Variants in WWC1 observed in about 807,000 individuals in gnomAD.
WWC1 encodes the protein protein KIBRA.
A neutral mutation model predicts 138.4 loss-of-function variants in WWC1; 55 were observed. That is an observed-to-expected ratio of 0.40 (90% CI 0.32 to 0.50). The LOEUF is 0.50. WWC1 is among the 20% of genes least tolerant of loss of function. WWC1 has a pLI of 0.72. For synonymous variants in WWC1, 524 were observed against 564.9 expected, an observed-to-expected ratio of 0.93 and a Z score of 1.03; for missense variants, 1,226 against 1,420.4, an observed-to-expected ratio of 0.86 and a Z score of 2.20.
At chr5:168,323,512 A>G (rs1323945895) in intron 1 of WWC1, among the ~76,000 whole-genome samples, 1 of 152,166 alleles carries the variant, frequency 6.6e-6, no homozygotes, top group African/African-American at 2.4e-5. Context: ...ATGCCACTGT[A>G]TTCCAGCCTG....
At chr5:168,305,226 C>T (rs996541064) in intron 1 of WWC1, among the ~76,000 whole-genome samples, 3 of 151,876 alleles carry the variant, frequency 2.0e-5, no homozygotes, top group Admixed American at 1.3e-4. Flanking sequence ...CCTTGGCCTC[C>T]CAAAGTGTTG....
intron 17 of WWC1, among the ~76,000 whole-genome samples, chr5:168,452,181 C>T (rs971667651): frequency 6.6e-6 from 1 of 152,152 alleles, no homozygotes; most frequent in African/African-American, 2.4e-5. Flanking sequence ...GCTGGGATTA[C>T]AGGCGTGAGC....
At chr5:168,389,500 G>T (rs565086758) in intron 3 of WWC1, among the ~76,000 whole-genome samples, 34 of 150,670 alleles carry the variant, frequency 2.3e-4, no homozygotes, top group Non-Finnish European at 4.3e-4. Flanking sequence ...GTGGGAGGTG[G>T]CAGCTGGACT....
chr5:168,313,750 G>A (rs1041075301), intron 1 of WWC1, among the ~76,000 whole-genome samples: 1 of 151,868 alleles, frequency 6.6e-6, no homozygotes, highest in Admixed American at 6.6e-5. Context: ...TTTCTTTTGT[G>A]GCTGCCTGTG....
intron 1 of WWC1, among the ~76,000 whole-genome samples, chr5:168,356,442 A>G (rs1775427084): frequency 6.6e-6 from 1 of 152,242 alleles, no homozygotes; most frequent in Admixed American, 6.5e-5. Context: ...GTCCATAGGA[A>G]AAAAGGTGTC....
At chr5:168,327,342 T>C (rs947581007) in intron 1 of WWC1, among the ~76,000 whole-genome samples, 1 of 152,252 alleles carries the variant, frequency 6.6e-6, no homozygotes, top group African/African-American at 2.4e-5. Flanking sequence ...CTGACATGTA[T>C]GTCTCATGCT....
intron 1 of WWC1, among the ~76,000 whole-genome samples, chr5:168,305,155 A>T (rs1167546753): frequency 1.4e-5 from 2 of 140,658 alleles, no homozygotes; most frequent in African/African-American, 5.3e-5. Flanking sequence ...TTTAGTAGAG[A>T]TGGAGTTTTG....
rs1208607289 is a variant in WWC1 at position 168,471,929 on chromosome 5, A to T, written c.*2912A>T. The stretch of plus-strand genomic sequence containing the variant: ...TCTGCAGTCCATTTGGACTCAATAA[A>T]AACTTTGAAAGTCACATGTGTTATG... On this transcript the variant is annotated 3_prime_UTR_variant, in exon 23 of 23. Transcript: ENST00000265293. The T allele has an allele frequency of 6.6e-6, 1 of 152,240 alleles. No homozygotes were observed. Among genetic ancestry groups the T allele is most frequent in the African/African-American group, 2.4e-5 (1 of 41,472 alleles). The allele number at this position is 152,240 out of a possible 1,614,324, so 9.4% of individuals were successfully genotyped here. A position where few individuals can be genotyped will look rare whatever the true frequency, so the allele number is the denominator to read the frequency against.
intron 1 of WWC1, among the ~76,000 whole-genome samples, chr5:168,324,916 G>A (rs1772407647): frequency 6.6e-6 from 1 of 152,196 alleles, no homozygotes; most frequent in Admixed American, 6.5e-5. Flanking sequence ...CAATAATAGG[G>A]TGATTCATCA....
chr5:168,342,490 T>C (rs1053591563), intron 1 of WWC1, among the ~76,000 whole-genome samples: 1 of 152,188 alleles, frequency 6.6e-6, no homozygotes, highest in African/African-American at 2.4e-5. Context: ...TATAGAAGTT[T>C]GAAGCAGTAA....
rs536250745 is a variant in WWC1, at chr5:168,297,576, A to G, written c.119+5305A>G. On this transcript the variant is annotated intron_variant, in intron 1 of 22. Coordinates refer to ENST00000265293, the MANE Select transcript of WWC1 (RefSeq NM_015238.3). ...GGGAGGTGGAGGTTGTGGTGAGCCA[A>G]GATCGCGCCATTGCACTCCATCCTG... 3.0e-3 allele frequency among the ~76,000 whole-genome samples: 457 copies of G among 151,300 alleles called. 2 individuals are homozygous for G. Among genetic ancestry groups the G allele is most frequent in the African/African-American group, 0.011 (441 of 41,196 alleles).
chr5:168,410,853 A>G (rs946144258), intron 8 of WWC1, among the ~76,000 whole-genome samples: 10 of 152,152 alleles, frequency 6.6e-5, no homozygotes, highest in African/African-American at 1.7e-4. Context: ...GGTAAGACCA[A>G]GATATTTCAT....
At position 168,358,499 on chromosome 5, in the gene WWC1, G is replaced by T. The variant is rs74599406; in HGVS notation, c.120-12925G>T. ...GGGATGGGAAAACAGCAGCCCAGGG[G>T]CTGGGAAGGTGCCCACAGCCACTCA... On this transcript the variant is annotated intron_variant, in intron 1 of 22. Coordinates refer to ENST00000265293, the MANE Select transcript of WWC1 (RefSeq NM_015238.3). 6.4e-3 allele frequency among the ~76,000 whole-genome samples: 968 copies of T among 152,278 alleles called. 14 individuals are homozygous for T. Among genetic ancestry groups the T allele is most frequent in the African/African-American group, 0.022 (910 of 41,556 alleles).
At chr5:168,302,622 A>G (rs1770193467) in intron 1 of WWC1, among the ~76,000 whole-genome samples, 1 of 152,106 alleles carries the variant, frequency 6.6e-6, no homozygotes, top group South Asian at 2.1e-4. Flanking sequence ...ATGGTGATAC[A>G]CAATAGAGTC....
chr5:168,415,391 A>G (rs1425270882), intron 9 of WWC1: 1 of 152,160 alleles, frequency 6.6e-6, no homozygotes, highest in African/African-American at 2.4e-5. Context: ...TATGGGCCTG[A>G]TATAACCTAA....
intron 19 of WWC1, among the ~76,000 whole-genome samples, chr5:168,459,862 A>G (rs1756648859): frequency 6.6e-6 from 1 of 152,162 alleles, no homozygotes; most frequent in Admixed American, 6.5e-5. Context: ...GACTCGAGAA[A>G]GAAATCCCCA....
intron 8 of WWC1, chr5:168,412,025 A>C (rs1780267822): frequency 1.0e-6 from 1 of 985,322 alleles, no homozygotes; most frequent in Non-Finnish European, 1.2e-6. Context: ...CGTCCAGCAA[A>C]ACAGCAAGAC....
At chr5:168,362,492 G>A (rs941755750) in intron 1 of WWC1, among the ~76,000 whole-genome samples, 6 of 152,194 alleles carry the variant, frequency 3.9e-5, no homozygotes, top group African/African-American at 1.4e-4. Flanking sequence ...AAAGCAATGG[G>A]GACAAAGTGC....
At chr5:168,300,266 T>C (rs916860280) in intron 1 of WWC1, among the ~76,000 whole-genome samples, 1 of 152,188 alleles carries the variant, frequency 6.6e-6, no homozygotes, top group Admixed American at 6.5e-5. Flanking sequence ...ATTTAGCCTT[T>C]AGTTCCTGAG....
Sources: allele counts gnomAD v4.1 joint callset (sites outside exome capture counted in the v4.1 genomes callset), GRCh38; gene constraint gnomAD v4.1.1; transcripts MANE v1.5; gene names NCBI Gene and HGNC (gene_info 2026-07-23, HGNC 2026-07-21).